RABGAP1L: variants seen among roughly 807,000 people sequenced by gnomAD.
RABGAP1L encodes the protein RAB GTPase activating protein 1 like, also known as rab GTPase-activating protein 1-like.
RABGAP1L carries 63 observed loss-of-function variants against 137.7 expected under a neutral mutation model. That is an observed-to-expected ratio of 0.46 (90% CI 0.37 to 0.56). The LOEUF is 0.56. RABGAP1L is among the 20% of genes least tolerant of loss of function. The pLI is 0.00. For missense variants in RABGAP1L, 1,095 were observed against 1,244.0 expected, an observed-to-expected ratio of 0.88 and a Z score of 1.80; for synonymous variants, 431 against 433.7, an observed-to-expected ratio of 0.99 and a Z score of 0.08.
chr1:174,176,741 A>ATAAAATAAAAT (rs1553248315), intron 1 of RABGAP1L, among the ~76,000 whole-genome samples: 2,652 of 111,672 alleles, frequency 0.024, 119 homozygotes, highest in Middle Eastern at 0.036. Flanking sequence ...AAAAAAAAAA[A>ATAAAATAAAAT]AAAAAGGTCA....
intron 13 of RABGAP1L, among the ~76,000 whole-genome samples, chr1:174,516,682 A>G (rs544111995): frequency 1.3e-5 from 2 of 152,146 alleles, no homozygotes; most frequent in Admixed American, 1.3e-4. Context: ...TACTGTATGC[A>G]TTTTCACATT....
At chr1:174,572,616 C>T (rs778696538) in intron 13 of RABGAP1L, among the ~76,000 whole-genome samples, 4 of 152,102 alleles carry the variant, frequency 2.6e-5, no homozygotes, top group Admixed American at 1.3e-4. Context: ...CTCCTGACCT[C>T]GTGATCTGCC....
At chr1:174,988,591 T>C in intron 24 of RABGAP1L, 50 bp from the exon 25 acceptor site, 1 of 1,388,516 alleles carries the variant, frequency 7.2e-7, no homozygotes, top group Non-Finnish European at 9.5e-7. Flanking sequence ...CAGAAGGTGA[T>C]TTAGCCTATG....
At chr1:174,868,272 A>G (rs1316362278) in intron 19 of RABGAP1L, among the ~76,000 whole-genome samples, 1 of 152,192 alleles carries the variant, frequency 6.6e-6, no homozygotes, top group Non-Finnish European at 1.5e-5. Context: ...AAATTGCTTA[A>G]ACTCTTAGAG....
At chr1:174,390,755 C>G (rs952505408) in intron 12 of RABGAP1L, among the ~76,000 whole-genome samples, 4 of 151,848 alleles carry the variant, frequency 2.6e-5, no homozygotes, top group Non-Finnish European at 5.9e-5. Context: ...GATGATGGGG[C>G]AAAAATAATT....
chr1:174,748,056 A>G (rs2148667341), intron 17 of RABGAP1L, among the ~76,000 whole-genome samples: 1 of 152,316 alleles, frequency 6.6e-6, no homozygotes, highest in South Asian at 2.1e-4. Context: ...TGTATAGAAT[A>G]AAAAGTTTAG....
intron 18 of RABGAP1L, among the ~76,000 whole-genome samples, chr1:174,807,948 AAACAAC>A (rs10645289): frequency 1.8e-4 from 26 of 141,058 alleles, no homozygotes; most frequent in Admixed American, 8.0e-4. Flanking sequence ...AAACAAAACA[AAACAAC>A]AACAACAACA....
intron 14 of RABGAP1L, among the ~76,000 whole-genome samples, chr1:174,663,287 C>G (rs914233878): frequency 3.3e-5 from 5 of 152,152 alleles, no homozygotes; most frequent in African/African-American, 7.2e-5. Context: ...TGTTTAGACA[C>G]TCAAATAATT....
intron 11 of RABGAP1L, among the ~76,000 whole-genome samples, chr1:174,312,477 G>A (rs10912762): frequency 0.27 from 41,367 of 151,918 alleles, 6,086 homozygotes; most frequent in African/African-American, 0.36. Flanking sequence ...TGTTTGAGCT[G>A]TTCCTTATAT....
At chr1:174,682,261 A>G (rs1046000430) in intron 14 of RABGAP1L, among the ~76,000 whole-genome samples, 1 of 151,268 alleles carries the variant, frequency 6.6e-6, no homozygotes, top group Non-Finnish European at 1.5e-5. Context: ...AGCCTGGGAG[A>G]CAAAGCAAAA....
intron 11 of RABGAP1L, among the ~76,000 whole-genome samples, chr1:174,360,451 A>C (rs776008905): frequency 3.9e-5 from 6 of 152,328 alleles, no homozygotes; most frequent in Admixed American, 1.3e-4. Context: ...CTGTATAGTC[A>C]TAAAAGTTAT....
intron 1 of RABGAP1L, among the ~76,000 whole-genome samples, chr1:174,162,766 T>C (rs1664580394): frequency 7.2e-6 from 1 of 139,050 alleles, no homozygotes; most frequent in Non-Finnish European, 1.5e-5. Flanking sequence ...TTTTTTTTTT[T>C]TTCTCTTTCT....
chr1:174,517,732 G>T (rs1662995895), intron 13 of RABGAP1L, among the ~76,000 whole-genome samples: 1 of 152,118 alleles, frequency 6.6e-6, no homozygotes, highest in Admixed American at 6.5e-5. Context: ...TTCCACTCCT[G>T]AAGAATGTTT....
At chr1:174,442,632 G>T (rs1654288306) in intron 13 of RABGAP1L, among the ~76,000 whole-genome samples, 1 of 152,006 alleles carries the variant, frequency 6.6e-6, no homozygotes, top group Non-Finnish European at 1.5e-5. Flanking sequence ...TATATATGGG[G>T]TACATGTGAT....
rs921353019 is a variant in RABGAP1L at position 174,799,976 on chromosome 1, A to T, written c.2212-11856A>T. ...CACACACACACACACACACACACAC[A>T]CACTCTCACACATTCTCACATGCTA... On this transcript the variant is annotated intron_variant, in intron 18 of 25. Coordinates refer to ENST00000681986, the MANE Select transcript of RABGAP1L (RefSeq NM_001366446.1). 4.3e-5 allele frequency: 40 copies of T among 931,724 alleles called. No homozygotes were observed. The African/African-American group carries it at 6.9e-4, about 16-fold the overall frequency. 57.7% of individuals were successfully genotyped at this position (931,724 alleles called of 1,614,324 possible). A position where few individuals can be genotyped will look rare whatever the true frequency, so the allele number is the denominator to read the frequency against.
chr1:174,193,945 A>T (rs1361143434), intron 1 of RABGAP1L, among the ~76,000 whole-genome samples: 2 of 152,224 alleles, frequency 1.3e-5, no homozygotes, highest in African/African-American at 4.8e-5. Flanking sequence ...ATTTTATGTT[A>T]ACAACAATCC....
At chr1:174,877,342 TTCTC>T (rs1231190903) in intron 19 of RABGAP1L, 40 of 1,358,400 alleles carry the variant, frequency 2.9e-5, no homozygotes, top group Non-Finnish European at 3.7e-5. Flanking sequence ...TTTTTTTTCT[TTCTC>T]TTTCTTTCTT....
intron 18 of RABGAP1L, among the ~76,000 whole-genome samples, chr1:174,773,597 G>A (rs1420257002): frequency 6.6e-6 from 1 of 152,080 alleles, no homozygotes; most frequent in Non-Finnish European, 1.5e-5. Flanking sequence ...AATGTCCTTG[G>A]TTGAATAGGA....
At chr1:174,823,463 T>C (rs553260382) in intron 19 of RABGAP1L, among the ~76,000 whole-genome samples, 2 of 152,338 alleles carry the variant, frequency 1.3e-5, no homozygotes, top group East Asian at 3.9e-4. Flanking sequence ...GTTTAAAGTG[T>C]GCTTCATGAT....
Sources: allele counts gnomAD v4.1 joint callset (sites outside exome capture counted in the v4.1 genomes callset), GRCh38; gene constraint gnomAD v4.1.1; transcripts MANE v1.5; gene names NCBI Gene and HGNC (gene_info 2026-07-23, HGNC 2026-07-21).